Variants in CCL26 observed in about 807,000 individuals in gnomAD.
CCL26 encodes C-C motif chemokine ligand 26, also known as C-C motif chemokine 26.
In CCL26, 10 loss-of-function variants were observed where a neutral mutation model predicts 10.7. The observed-to-expected ratio is 0.93, with a 90% CI of 0.57 to 1.58. The LOEUF is 1.58. Among genes scored for constraint, CCL26 ranks in the 40% most tolerant of loss-of-function variants. CCL26 has a pLI of 0.00. For synonymous variants in CCL26, 43 were observed against 41.4 expected (o/e 1.04, Z -0.15); for missense variants, 116 against 111.0 (o/e 1.05, Z -0.20).
intron 1 of CCL26, among the ~76,000 whole-genome samples, chr7:75,785,607 C>T (rs1803167401): frequency 6.6e-6 from 1 of 152,202 alleles, no homozygotes; most frequent in Admixed American, 6.6e-5. Flanking sequence ...TACTTAACAA[C>T]AAGTCCTTTC....
rs1404093091 is a variant in CCL26, at chr7:75,769,618, G to T, written c.*75C>A. The T allele has an allele frequency of 4.2e-6, 4 of 957,078 alleles. No individual in the cohort carries two copies. In the East Asian group the frequency reaches 9.7e-5, roughly 23 times the overall value. The allele number at this position is 957,078 out of a possible 1,614,324, so 59.3% of individuals were successfully genotyped here. ...GCGGGTCCATGTAGCCTTCAGAAAA[G>T]ATTCCGCAGGCTCCCCAGAGGGCTG... On this transcript the variant is annotated 3_prime_UTR_variant, in exon 3 of 3. Coordinates refer to ENST00000005180, the MANE Select transcript of CCL26 (RefSeq NM_001371938.1).
intron 2 of CCL26, 76 bp from the exon 3 acceptor site, chr7:75,769,865 G>C: frequency 1.1e-6 from 1 of 894,298 alleles, no homozygotes; most frequent in South Asian, 1.3e-5. Context: ...GGAAGGAGGG[G>C]CAGCTCTCTC....
chr7:75,772,051 C>T (rs782718124), intron 1 of CCL26, 48 bp from the exon 2 acceptor site: 1 of 1,604,130 alleles, frequency 6.2e-7, no homozygotes, highest in South Asian at 1.1e-5. Flanking sequence ...TTTCCATCCA[C>T]TCCCAGGCGG....
chr7:75,785,871 C>G (rs1418021133), intron 1 of CCL26, among the ~76,000 whole-genome samples: 1 of 152,162 alleles, frequency 6.6e-6, no homozygotes, highest in Non-Finnish European at 1.5e-5. Context: ...TACACAAGGA[C>G]CGGGACCGCG....
At chr7:75,781,890 T>C (rs1240335167) in intron 1 of CCL26, among the ~76,000 whole-genome samples, 1 of 152,170 alleles carries the variant, frequency 6.6e-6, no homozygotes, top group Non-Finnish European at 1.5e-5. Flanking sequence ...GCTTTGTTGC[T>C]CACACAAAGC....
In CCL26 at chr7:75,780,927, C is replaced by A. The variant is rs1026571440; in HGVS notation, c.-78-8673G>T. On this transcript the variant is annotated intron_variant, in intron 1 of 3. Coordinates refer to the CCL26 transcript ENST00000394905. Reference sequence around the variant, plus strand: ...TCGTTCCATGACTAGCCCTCCCCCACCTGCCCAGCAATTTCCTCTTAAAAA... The same window carrying A: ...TCGTTCCATGACTAGCCCTCCCCCAACTGCCCAGCAATTTCCTCTTAAAAA... 2.0e-5 allele frequency among the ~76,000 whole-genome samples: 3 copies of A among 152,306 alleles called. No homozygotes were observed. The South Asian group carries it at 6.2e-4, about 32-fold the overall frequency.
chr7:75,790,150 T>C (rs979352383), upstream of CCL26, among the ~76,000 whole-genome samples: 40 of 124,970 alleles, frequency 3.2e-4, 3 homozygotes, highest in Admixed American at 3.1e-3. Flanking sequence ...TCTCTTTCTG[T>C]CTCTCTCCCT....
intron 1 of CCL26, among the ~76,000 whole-genome samples, chr7:75,778,325 G>A (rs1207048070): frequency 3.3e-5 from 5 of 151,568 alleles, no homozygotes; most frequent in African/African-American, 7.3e-5. Context: ...GGGCTCAAGC[G>A]ATCCTCCCAC....
chr7:75,769,668 G>A lies in CCL26; in HGVS notation c.*25C>T, dbSNP rs782653306. On this transcript the variant is annotated 3_prime_UTR_variant, in exon 3 of 3. Coordinates refer to ENST00000005180, the MANE Select transcript of CCL26 (RefSeq NM_001371938.1). ...GCAGAGCCAAGAGCGGGGTCCAAGC[G>A]TCCTCGGATGAAAATTCAGCTGAGT... is the stretch of plus-strand genomic sequence containing the variant. 33 of 1,492,040 alleles carry A rather than the reference G, an allele frequency of 2.2e-5. No individual in the cohort carries two copies. In the African/African-American group the frequency reaches 2.9e-4, roughly 13 times the overall value. 92.4% of individuals were successfully genotyped at this position (1,492,040 alleles called of 1,614,324 possible).
Position 75,772,096 on chromosome 7 carries a change from C to T in CCL26, c.73+8G>A, listed in dbSNP as rs782028504. On this transcript the variant is annotated splice_region_variant and intron_variant, in intron 1 of 2. Coordinates refer to ENST00000005180, the MANE Select transcript of CCL26 (RefSeq NM_001371938.1). The stretch of plus-strand genomic sequence containing the variant: ...GAACCCCAGGAGGGGAATGGGCCAG[C>T]TACGTACGTGTGGCAGTTCCAAGGT... 6.3e-7 allele frequency: 1 copy of T among 1,593,740 alleles called. No individual in the cohort carries two copies. The highest frequency in any genetic ancestry group is 1.1e-5 in the South Asian group (1 of 88,952).
At chr7:75,783,154 A>T (rs188735729) in intron 1 of CCL26, among the ~76,000 whole-genome samples, 1 of 152,210 alleles carries the variant, frequency 6.6e-6, no homozygotes, top group Admixed American at 6.6e-5. Context: ...GACATTCCCA[A>T]ATCAGCCAGT....
chr7:75,783,717 G>T (rs532087466), intron 1 of CCL26, among the ~76,000 whole-genome samples: 27 of 151,332 alleles, frequency 1.8e-4, no homozygotes, highest in African/African-American at 6.1e-4. Flanking sequence ...AACCCGGTAG[G>T]TGGAGCTTGC....
upstream of CCL26, among the ~76,000 whole-genome samples, chr7:75,790,199 C>CTTTCT (rs1803300238): frequency 9.6e-6 from 1 of 104,038 alleles, no homozygotes; most frequent in Non-Finnish European, 2.0e-5. Flanking sequence ...TTCTTTCTTT[C>CTTTCT]TTTCTTTCTT....
rs1554527902 is a variant in CCL26 at position 75,769,793 on chromosome 7, T to C, written c.189-4A>G. On this transcript the variant is annotated splice_polypyrimidine_tract_variant and splice_region_variant and intron_variant, in intron 2 of 2. Transcript: ENST00000005180. ...CTTGCCTCTTTTGGTAGTGAATCTG[T>C]GAAAAAGAGACACGGATAAGTCAAT... 6.4e-7 allele frequency: 1 copy of C among 1,573,140 alleles called. No individual in the cohort carries two copies. The highest frequency in any genetic ancestry group is 8.8e-7 in the Non-Finnish European group (1 of 1,142,712).
upstream of CCL26, among the ~76,000 whole-genome samples, chr7:75,774,085 G>A (rs944062540): frequency 2.6e-5 from 4 of 152,170 alleles, no homozygotes; most frequent in South Asian, 2.1e-4. Flanking sequence ...GAGGATAGAT[G>A]GTGAGTTGCC....
At chr7:75,784,785 TC>T (rs1237317915) in intron 1 of CCL26, among the ~76,000 whole-genome samples, 5 of 151,878 alleles carry the variant, frequency 3.3e-5, no homozygotes, top group Non-Finnish European at 4.4e-5. Flanking sequence ...CTCCTTCACA[TC>T]CTCCCCTTGT....
At chr7:75,782,760 G>T (rs781936199) in intron 1 of CCL26, among the ~76,000 whole-genome samples, 2 of 152,080 alleles carry the variant, frequency 1.3e-5, no homozygotes, top group Admixed American at 6.6e-5. Flanking sequence ...GGTGCCTGAC[G>T]TCCAGGCATT....
In CCL26 at chr7:75,771,948, G is replaced by T. The variant is rs782710845; in HGVS notation, c.129C>A (p.Pro43=). The T allele has an allele frequency of 2.8e-5, 45 of 1,614,054 alleles. No homozygotes were observed. The East Asian group carries it at 1.0e-3, about 36-fold the overall frequency. Residue 43 remains proline, a synonymous_variant, in exon 2 of 3, where the codon CCC becomes CCA. Coordinates refer to ENST00000005180, the MANE Select transcript of CCL26 (RefSeq NM_001371938.1). ...CCFQYSHKPL[P]WTWVRSYEFT... is the part of the protein sequence containing the mutation. ...ATTCATAGCTTCGCACCCAGGTCCA[G>T]GGAAGGGGCTTGTGGCTGTATTGGA...
intron 1 of CCL26, among the ~76,000 whole-genome samples, chr7:75,788,485 G>T (rs542410353): frequency 6.6e-6 from 1 of 151,454 alleles, no homozygotes; most frequent in African/African-American, 2.4e-5. Flanking sequence ...GACTCAGCCC[G>T]CCTGCACCCA....
Sources: gnomAD v4.1 joint callset for allele counts (sites outside exome capture counted in the v4.1 genomes callset) on GRCh38, gnomAD v4.1.1 for gene constraint, MANE v1.5 for transcripts, NCBI Gene and HGNC (gene_info 2026-07-23, HGNC 2026-07-21) for gene names.